The following ZNF536 variants were observed in gnomAD, a reference collection of about 807,000 sequenced individuals.
ZNF536 encodes zinc finger protein 536.
In ZNF536, 13 loss-of-function variants were observed where a neutral mutation model predicts 84.5. That is an observed-to-expected ratio of 0.15 (90% CI 0.10 to 0.24). The LOEUF (loss-of-function observed/expected upper bound fraction) is 0.24. ZNF536 is among the 10% of genes least tolerant of loss of function. The pLI, the probability that ZNF536 is intolerant of heterozygous loss-of-function variation, is 1.00. For synonymous variants in ZNF536, 811 were observed against 742.5 expected (o/e 1.09, Z -1.50); for missense variants, 1,536 against 1,747.5 (o/e 0.88, Z 2.16).
chr19:30,472,428 C>T (rs2053675811), intron 2 of ZNF536, among the ~76,000 whole-genome samples: 2 of 152,068 alleles, frequency 1.3e-5, no homozygotes, highest in African/African-American at 4.8e-5. Flanking sequence ...GGGGATATTG[C>T]CGTGAGACTC....
intron 1 of ZNF536, among the ~76,000 whole-genome samples, chr19:30,688,239 C>T (rs886068274): frequency 1.3e-5 from 2 of 152,134 alleles, no homozygotes; most frequent in African/African-American, 2.4e-5. Context: ...CTCAGGTGCC[C>T]GGATCTCTCC....
At chr19:30,674,767 A>G (rs1417451426) in intron 1 of ZNF536, among the ~76,000 whole-genome samples, 3 of 152,120 alleles carry the variant, frequency 2.0e-5, no homozygotes, top group Non-Finnish European at 4.4e-5. Context: ...CCTCCTGTAT[A>G]GTGTGTTCTT....
chr19:30,456,605 G>A (rs1335693298), intron 2 of ZNF536, among the ~76,000 whole-genome samples: 2 of 152,148 alleles, frequency 1.3e-5, no homozygotes, highest in East Asian at 1.9e-4. Context: ...CTATCACCAC[G>A]CCACTCTGTG....
intron 1 of ZNF536, among the ~76,000 whole-genome samples, chr19:30,588,626 G>T (rs2047177008): frequency 6.6e-6 from 1 of 152,104 alleles, no homozygotes; most frequent in Admixed American, 6.5e-5. Context: ...GTGCTGCTCT[G>T]CCTTTAACAC....
chr19:30,699,386 C>A (rs1045359765), intron 1 of ZNF536, among the ~76,000 whole-genome samples: 1 of 152,110 alleles, frequency 6.6e-6, no homozygotes, highest in South Asian at 2.1e-4. Flanking sequence ...AATCCATTAC[C>A]ACACAGATCA....
At chr19:30,693,258 C>G (rs2051495677) in intron 1 of ZNF536, among the ~76,000 whole-genome samples, 1 of 152,182 alleles carries the variant, frequency 6.6e-6, no homozygotes, top group African/African-American at 2.4e-5. Flanking sequence ...GCCCTTATCC[C>G]TGCTGAAGGA....
chr19:30,698,770 G>C (rs1183607006), intron 1 of ZNF536, among the ~76,000 whole-genome samples: 2 of 152,188 alleles, frequency 1.3e-5, no homozygotes, highest in East Asian at 3.9e-4. Flanking sequence ...CTCCACGGAA[G>C]TTACTCTCCC....
chr19:30,284,832 A>C lies in ZNF536; in HGVS notation c.-120+691A>C, dbSNP rs377236092. Among the ~76,000 whole-genome samples the C allele has an allele frequency of 5.9e-5, 9 of 152,178 alleles. No homozygotes were observed. In the East Asian group the frequency reaches 9.7e-4, roughly 16 times the overall value. ...AACCAGGGAAATTGATAGCAGAATT[A>C]TGCACTCAGAAATTAATTTTATGTT... is the stretch of plus-strand genomic sequence containing the variant. On this transcript the variant is annotated intron_variant, in intron 2 of 5. Transcript: ENST00000585628.
chr19:30,571,694 C>T (rs986363395), intron 1 of ZNF536, among the ~76,000 whole-genome samples: 3 of 152,142 alleles, frequency 2.0e-5, no homozygotes, highest in East Asian at 1.9e-4. Context: ...TCCCAACATC[C>T]GGCTTCCTCC....
intron 1 of ZNF536, among the ~76,000 whole-genome samples, chr19:30,402,603 A>C (rs1171752157): frequency 6.6e-6 from 1 of 151,210 alleles, no homozygotes; most frequent in African/African-American, 2.4e-5. Context: ...GCCTTTTTTC[A>C]CCGGGAACCC....
chr19:30,264,665 A>C (rs931275572), intron 1 of ZNF536, among the ~76,000 whole-genome samples: 1 of 152,072 alleles, frequency 6.6e-6, no homozygotes, highest in Non-Finnish European at 1.5e-5. Flanking sequence ...AGACACACAC[A>C]CACCCACCCC....
At chr19:30,575,326 T>C (rs1158477097) in intron 1 of ZNF536, among the ~76,000 whole-genome samples, 2 of 152,110 alleles carry the variant, frequency 1.3e-5, no homozygotes, top group Non-Finnish European at 2.9e-5. Flanking sequence ...GATAGGACTT[T>C]GTTGGCATGG....
intron 1 of ZNF536, among the ~76,000 whole-genome samples, chr19:30,687,905 T>C (rs2051255701): frequency 6.6e-6 from 1 of 152,072 alleles, no homozygotes; most frequent in African/African-American, 2.4e-5. Context: ...TCTGGGGACA[T>C]GCTATTTCAC....
chr19:30,447,412 G>A (rs1248316951), intron 2 of ZNF536, among the ~76,000 whole-genome samples: 10 of 152,184 alleles, frequency 6.6e-5, no homozygotes, highest in Non-Finnish European at 1.5e-5. Context: ...CATAAATCTG[G>A]TCTGCACATT....
chr19:30,252,350 G>A (rs2024660570), intron 1 of ZNF536, among the ~76,000 whole-genome samples: 1 of 152,178 alleles, frequency 6.6e-6, no homozygotes. Context: ...TGTTGGCCCT[G>A]GCTGGCTGTG....
chr19:30,631,934 C>T (rs1381922671), intron 1 of ZNF536, among the ~76,000 whole-genome samples: 1 of 152,196 alleles, frequency 6.6e-6, no homozygotes, highest in African/African-American at 2.4e-5. Flanking sequence ...ACTCACTGCA[C>T]CAAGAGGTGC....
intron 1 of ZNF536, among the ~76,000 whole-genome samples, chr19:30,621,442 G>C (rs1332513458): frequency 6.6e-6 from 1 of 152,086 alleles, no homozygotes; most frequent in Non-Finnish European, 1.5e-5. Context: ...CTTCTCAGTG[G>C]GGGGACTCAG....
intron 1 of ZNF536, among the ~76,000 whole-genome samples, chr19:30,584,519 A>G (rs763119073): frequency 5.3e-5 from 8 of 152,208 alleles, no homozygotes; most frequent in Non-Finnish European, 7.3e-5. Context: ...ACATGGATAT[A>G]TATCTATGCA....
At chr19:30,476,400 G>A (rs965417232) in intron 2 of ZNF536, among the ~76,000 whole-genome samples, 17 of 152,124 alleles carry the variant, frequency 1.1e-4, no homozygotes, top group Admixed American at 1.0e-3. Context: ...GTAAACAATT[G>A]TAGGTAATTT....
Sources: allele counts gnomAD v4.1 joint callset (sites outside exome capture counted in the v4.1 genomes callset), GRCh38; gene constraint gnomAD v4.1.1; transcripts MANE v1.5; gene names NCBI Gene and HGNC (gene_info 2026-07-23, HGNC 2026-07-21).